FAM161A: variants seen among roughly 807,000 people sequenced by gnomAD.
FAM161A encodes the protein FAM161 centrosomal protein A.
A neutral mutation model predicts 70.9 loss-of-function variants in FAM161A; 57 were observed. The observed-to-expected ratio is 0.80, with a 90% CI of 0.65 to 1.00. FAM161A has a LOEUF of 1.00. FAM161A is among the 50% of genes least tolerant of loss of function. FAM161A has a pLI of 0.00. For missense variants in FAM161A, 880 were observed against 836.0 expected (o/e 1.05, Z -0.65); for synonymous variants, 299 against 295.7 (o/e 1.01, Z -0.12).
chr2:61,824,193 A>T (rs1424283946), downstream of FAM161A, among the ~76,000 whole-genome samples: 2 of 127,804 alleles, frequency 1.6e-5, no homozygotes, highest in African/African-American at 5.9e-5. Flanking sequence ...CGCCTGGCTA[A>T]TTTTTTTTTT....
At chr2:61,820,630 T>G (rs569151736), downstream of FAM161A, 13 of 591,856 alleles carry the variant, frequency 2.2e-5, no homozygotes, top group Middle Eastern at 1.9e-3. Flanking sequence ...TTTGTATTAT[T>G]CTTTTTGTAT....
chr2:61,822,976 T>C (rs1184548736), downstream of FAM161A, among the ~76,000 whole-genome samples: 1 of 152,146 alleles, frequency 6.6e-6, no homozygotes, highest in East Asian at 1.9e-4. Flanking sequence ...AGAAATACTG[T>C]CTAAGAGAAA....
At chr2:61,835,649 T>C (rs1322507836) in intron 5 of FAM161A, 1 of 178,196 alleles carries the variant, frequency 5.6e-6, no homozygotes, top group East Asian at 1.5e-4. Context: ...AACTACTGGA[T>C]TGGCATGTTA....
At chr2:61,840,709 G>C (rs1672990195) in intron 2 of FAM161A, 128 bp from the exon 3 acceptor site, 1 of 717,224 alleles carries the variant, frequency 1.4e-6, no homozygotes, top group Non-Finnish European at 2.3e-6. Context: ...GGAGTGCAGT[G>C]GTGTGATATC....
At chr2:61,802,780 T>C in the FAM161A span, among the ~76,000 whole-genome samples, 4 of 152,174 alleles carry the variant, frequency 2.6e-5, no homozygotes, top group Non-Finnish European at 4.4e-5. Flanking sequence ...TTGCTACGGG[T>C]ACAGTAATTC....
At chr2:61,809,082 A>C in the FAM161A span, among the ~76,000 whole-genome samples, 1 of 152,268 alleles carries the variant, frequency 6.6e-6, no homozygotes, top group South Asian at 2.1e-4. Context: ...CATGTTGGCC[A>C]GGCTGGTCTC....
the FAM161A span, among the ~76,000 whole-genome samples, chr2:61,804,831 A>G: frequency 3.8e-4 from 58 of 152,048 alleles, 1 homozygote; most frequent in African/African-American, 1.4e-3. Flanking sequence ...AAAGAGAAAG[A>G]AAGAAGGAAG....
intron 5 of FAM161A, among the ~76,000 whole-genome samples, chr2:61,834,360 T>C (rs991639099): frequency 6.7e-6 from 1 of 149,932 alleles, no homozygotes; most frequent in Non-Finnish European, 1.5e-5. Context: ...AGAGGGAGAG[T>C]GGAGGGAGGA....
At chr2:61,840,696 G>A in intron 2 of FAM161A, 115 bp from the exon 3 acceptor site, 1 of 802,888 alleles carries the variant, frequency 1.2e-6, no homozygotes, top group South Asian at 1.6e-5. Flanking sequence ...TGTTGCCCAG[G>A]TTGGAGTGCA....
In FAM161A at chr2:61,842,346, G is replaced by C; in HGVS notation, c.198C>G (p.Thr66=). The stretch of plus-strand genomic sequence containing the variant: ...CATGTTCATCCACCCCAGAAAAGCT[G>C]GTGTTCAAATCAGCCTGGTGGGGAG... ...QPAGASADLN[T]SFSGVDEHAP... is the part of the protein sequence containing the mutation. Residue 66 remains threonine, a synonymous_variant, in exon 2 of 7, where the codon ACC becomes ACG. Coordinates refer to ENST00000404929, the MANE Select transcript of FAM161A (RefSeq NM_001201543.2). 1 of 1,564,298 alleles carries C rather than the reference G, an allele frequency of 6.4e-7. No individual in the cohort carries two copies. Among genetic ancestry groups the C allele is most frequent in the South Asian group, 1.2e-5 (1 of 86,490 alleles).
At chr2:61,803,804 C>T in the FAM161A span, among the ~76,000 whole-genome samples, 1 of 152,014 alleles carries the variant, frequency 6.6e-6, no homozygotes, top group Non-Finnish European at 1.5e-5. Context: ...CAGAGAAAGA[C>T]TCTGTCTCGA....
At chr2:61,831,561 T>C (rs1426759827) in intron 5 of FAM161A, among the ~76,000 whole-genome samples, 1 of 152,174 alleles carries the variant, frequency 6.6e-6, no homozygotes, top group Non-Finnish European at 1.5e-5. Context: ...AAAGCATTTG[T>C]TGAGAAGGGG....
rs796955898 is a variant in FAM161A at position 61,825,973 on chromosome 2, A to C, written c.*482T>G. ...CTTTTAAAAATGGCTCAGAGCAGCA[A>C]AACAAGTTAGAGGATTTATTCTGTG... On this transcript the variant is annotated 3_prime_UTR_variant, in exon 7 of 7. Coordinates refer to ENST00000404929, the MANE Select transcript of FAM161A (RefSeq NM_001201543.2). 1 of 454,192 alleles carries C rather than the reference A, an allele frequency of 2.2e-6. No individual in the cohort carries two copies. The highest frequency in any genetic ancestry group is 2.0e-5 in the African/African-American group (1 of 50,090). 28.1% of individuals were successfully genotyped at this position (454,192 alleles called of 1,614,324 possible).
chr2:61,809,124 C>A, the FAM161A span, among the ~76,000 whole-genome samples: 1 of 152,118 alleles, frequency 6.6e-6, no homozygotes, highest in South Asian at 2.1e-4. Context: ...CCACCCACCT[C>A]AGCCTCCCAA....
downstream of FAM161A, chr2:61,820,278 T>G: frequency 2.9e-6 from 2 of 691,434 alleles, no homozygotes; most frequent in East Asian, 5.3e-5. Context: ...AAACGACTGA[T>G]GAGAGGCTGA....
chr2:61,816,786 G>A, the FAM161A span, among the ~76,000 whole-genome samples: 1 of 152,112 alleles, frequency 6.6e-6, no homozygotes, highest in Non-Finnish European at 1.5e-5. Context: ...TTAACTTGGA[G>A]CAAATGACCC....
intron 1 of FAM161A, among the ~76,000 whole-genome samples, chr2:61,845,585 G>A (rs948453679): frequency 1.3e-5 from 2 of 152,128 alleles, no homozygotes; most frequent in African/African-American, 4.8e-5. Flanking sequence ...CACTTTGGGA[G>A]GCTGCAGTGG....
At chr2:61,830,954 C>CA in intron 5 of FAM161A, among the ~76,000 whole-genome samples, 1 of 150,878 alleles carries the variant, frequency 6.6e-6, no homozygotes, top group South Asian at 2.1e-4. Flanking sequence ...ACTAAAAATA[C>CA]AAAAAAAATT....
At position 61,839,849 on chromosome 2, in the gene FAM161A, C is replaced by T. The variant is rs1271637788; in HGVS notation, c.1155G>A (p.Gln385=). 1 of 1,614,214 alleles carries T rather than the reference C, an allele frequency of 6.2e-7. No homozygotes were observed. The highest frequency in any genetic ancestry group is 1.1e-5 in the South Asian group (1 of 91,082). Residue 385 remains glutamine, a synonymous_variant, in exon 3 of 7, where the codon CAG becomes CAA. Coordinates refer to ENST00000404929, the MANE Select transcript of FAM161A (RefSeq NM_001201543.2). The part of the protein sequence containing the change: ...EEELYRNLRT[Q]LRAQEHLQNS... ...TCTGTAAATGCTCCTGGGCTCTCAG[C>T]TGTGTCCTAAGGTTTCGATAGAGCT...
Sources: allele counts gnomAD v4.1 joint callset (sites outside exome capture counted in the v4.1 genomes callset), GRCh38; gene constraint gnomAD v4.1.1; transcripts MANE v1.5; gene names NCBI Gene and HGNC (gene_info 2026-07-23, HGNC 2026-07-21).